The following TENM2 variants were observed in gnomAD, a reference collection of about 807,000 sequenced individuals.
The protein encoded by TENM2 is teneurin transmembrane protein 2, also known as teneurin-2.
Under a neutral mutation model 245.2 loss-of-function variants are expected in TENM2, and 52 were observed. That is an observed-to-expected ratio of 0.21 (90% CI 0.17 to 0.27). The LOEUF (loss-of-function observed/expected upper bound fraction) is 0.27. Ranked by LOEUF, TENM2 falls within the 10% of genes least tolerant of loss-of-function variation. TENM2 has a pLI of 1.00. For synonymous variants in TENM2, 1,363 were observed against 1,438.9 expected (o/e 0.95, Z 1.19); for missense variants, 3,046 against 3,666.8 (o/e 0.83, Z 4.37).
At chr5:167,972,526 T>A (rs1781865188) in intron 4 of TENM2, among the ~76,000 whole-genome samples, 1 of 152,196 alleles carries the variant, frequency 6.6e-6, no homozygotes, top group African/African-American at 2.4e-5. Context: ...TGAAACATCT[T>A]GTGTATATAT....
At chr5:168,092,718 G>C (rs1164506963) in intron 8 of TENM2, among the ~76,000 whole-genome samples, 1 of 152,184 alleles carries the variant, frequency 6.6e-6, no homozygotes, top group Non-Finnish European at 1.5e-5. Context: ...AAAATCTTTA[G>C]TTTAAGAACA....
At chr5:168,062,167 A>G (rs1320453421) in exon 7 of TENM2, 2 of 1,613,820 alleles carry the variant, frequency 1.2e-6, no homozygotes, top group Non-Finnish European at 1.7e-6. Context: ...ACAAATTCAC[A>G]TCAGTCAGCC....
chr5:167,360,510 T>C lies in TENM2; in HGVS notation c.227-14688T>C, dbSNP rs78537405. Among the ~76,000 whole-genome samples the C allele has an allele frequency of 8.4e-3, 1,272 of 152,246 alleles. 17 individuals carry two copies. The highest frequency in any genetic ancestry group is 0.029 in the African/African-American group (1,221 of 41,564). Reference sequence around the variant, plus strand: ...TCTTCTCATGTATTCCCAGCTCCCATATGGTAGGCTGTCTTTCTGCTCATG... The same window carrying C: ...TCTTCTCATGTATTCCCAGCTCCCACATGGTAGGCTGTCTTTCTGCTCATG... On this transcript the variant is annotated intron_variant, in intron 1 of 28. Coordinates refer to ENST00000518659, the Ensembl canonical transcript of TENM2.
chr5:167,993,130 C>G lies in TENM2; in HGVS notation c.1134C>G (p.Leu378=), dbSNP rs762484975. 4 of 1,614,020 alleles carry G rather than the reference C, an allele frequency of 2.5e-6. No homozygotes were observed. In the East Asian group the frequency reaches 8.9e-5, roughly 36 times the overall value. The change falls in exon 5 of 29, where the codon CTC becomes CTG. Residue 378 remains leucine (L), a synonymous_variant. Coordinates refer to ENST00000518659, the Ensembl canonical transcript of TENM2. ...ACTGCAGCTGGAAATGTGCTGCCCTCTCCGCCATTGCCGCGGCCCTCCTCT... is the reference window on the plus strand; with the variant it reads ...ACTGCAGCTGGAAATGTGCTGCCCTGTCCGCCATTGCCGCGGCCCTCCTCT...
intron 2 of TENM2, among the ~76,000 whole-genome samples, chr5:167,810,271 T>G (rs554801294): frequency 2.0e-5 from 3 of 152,204 alleles, no homozygotes; most frequent in East Asian, 3.9e-4. Flanking sequence ...CTAATAGTAT[T>G]CTGAGGCGAT....
Position 167,564,391 on chromosome 5 carries a change from G to A in TENM2, c.502+188918G>A, listed in dbSNP as rs75107231. Among the ~76,000 whole-genome samples the A allele has an allele frequency of 4.6e-5, 7 of 152,298 alleles. No individual in the cohort carries two copies. In the East Asian group the frequency reaches 1.2e-3, roughly 25 times the overall value. ...TCGGATAAATTGAGGGAAGGGCAGA[G>A]CATGTCAAGTCTTTAGAAAGTCAAG... On this transcript the variant is annotated intron_variant, in intron 2 of 28. Transcript: ENST00000518659.
intron 9 of TENM2, among the ~76,000 whole-genome samples, chr5:168,106,678 A>G (rs1794269406): frequency 6.6e-6 from 1 of 152,222 alleles, no homozygotes; most frequent in Non-Finnish European, 1.5e-5. Flanking sequence ...ATGGTTACAC[A>G]CTAGAATTCT....
the TENM2 span, among the ~76,000 whole-genome samples, chr5:167,099,691 G>A: frequency 8.5e-5 from 13 of 152,122 alleles, no homozygotes; most frequent in East Asian, 5.8e-4. Flanking sequence ...GCGAAACACC[G>A]TCTCAAAACA....
intron 2 of TENM2, among the ~76,000 whole-genome samples, chr5:167,383,655 T>C (rs1237729732): frequency 6.6e-6 from 1 of 151,004 alleles, no homozygotes; most frequent in Non-Finnish European, 1.5e-5. Context: ...TATTACATTC[T>C]GTCCTCTCGT....
exon 27 of TENM2, chr5:168,248,190 C>T: frequency 1.2e-6 from 2 of 1,614,042 alleles, no homozygotes; most frequent in Non-Finnish European, 8.5e-7. Context: ...GACTCTATGA[C>T]CCCCTGACCA....
intron 3 of TENM2, among the ~76,000 whole-genome samples, chr5:167,912,740 A>C (rs1457197746): frequency 6.6e-6 from 1 of 152,200 alleles, no homozygotes; most frequent in African/African-American, 2.4e-5. Flanking sequence ...ACGTGTTAGG[A>C]TGTGAAGCAA....
exon 17 of TENM2, chr5:168,200,116 C>T: frequency 1.2e-6 from 2 of 1,612,962 alleles, no homozygotes; most frequent in Non-Finnish European, 1.7e-6. Flanking sequence ...GGTGTATGGA[C>T]TCTCAGATGC....
chr5:167,719,285 G>GAA (rs1759466333), intron 2 of TENM2, among the ~76,000 whole-genome samples: 2 of 152,154 alleles, frequency 1.3e-5, no homozygotes, highest in South Asian at 4.1e-4. Flanking sequence ...AAGACTCCGC[G>GAA]GGACCAAGTC....
intron 2 of TENM2, among the ~76,000 whole-genome samples, chr5:167,449,521 TA>T (rs143151041): frequency 0.15 from 11,267 of 73,934 alleles, 489 homozygotes; most frequent in South Asian, 0.31. Context: ...GATAGATAGA[TA>T]GATAGATAGA....
chr5:168,034,302 C>G (rs1203318817), intron 5 of TENM2, among the ~76,000 whole-genome samples: 1 of 147,484 alleles, frequency 6.8e-6, no homozygotes, highest in Non-Finnish European at 1.5e-5. Flanking sequence ...GATGGCGCCA[C>G]TCCACTCCAG....
intron 19 of TENM2, among the ~76,000 whole-genome samples, chr5:168,210,517 C>T (rs1489305999): frequency 6.6e-6 from 1 of 152,018 alleles, no homozygotes; most frequent in African/African-American, 2.4e-5. Flanking sequence ...GCGAGAATTC[C>T]CGGCTGCCAC....
chr5:167,507,025 A>T (rs1169447574), intron 2 of TENM2, among the ~76,000 whole-genome samples: 2 of 152,224 alleles, frequency 1.3e-5, no homozygotes, highest in Non-Finnish European at 2.9e-5. Context: ...AATACATATT[A>T]TTAAAACCAA....
exon 29 of TENM2, chr5:168,262,922 G>C: frequency 9.9e-7 from 1 of 1,006,176 alleles, no homozygotes; most frequent in Non-Finnish European, 1.4e-6. Context: ...GCTGCTTTAG[G>C]AGACCAAGTG....
chr5:166,991,794 T>G, the TENM2 span, among the ~76,000 whole-genome samples: 1 of 152,178 alleles, frequency 6.6e-6, no homozygotes, highest in Non-Finnish European at 1.5e-5. Flanking sequence ...GGCATGTGGA[T>G]TGCTGTGAAT....
Sources: gnomAD v4.1 joint callset for allele counts (sites outside exome capture counted in the v4.1 genomes callset) on GRCh38, gnomAD v4.1.1 for gene constraint, MANE v1.5 for transcripts, NCBI Gene and HGNC (gene_info 2026-07-23, HGNC 2026-07-21) for gene names.